Variants in ZNF521 observed in about 807,000 individuals in gnomAD.
The protein encoded by ZNF521 is zinc finger protein 521, also known as LYST-interacting protein 3.
A neutral mutation model predicts 105.5 loss-of-function variants in ZNF521; 14 were observed. The ratio of observed to expected loss-of-function variants is 0.13; its 90% CI spans 0.09 to 0.21. The LOEUF (loss-of-function observed/expected upper bound fraction) is 0.21, where lower values mean the gene tolerates loss of function less well. ZNF521 is among the 10% of genes least tolerant of loss of function. The pLI, the probability that ZNF521 is intolerant of heterozygous loss-of-function variation, is 1.00. For synonymous variants in ZNF521, 635 were observed against 606.0 expected (o/e 1.05, Z -0.70); for missense variants, 1,233 against 1,629.7 (o/e 0.76, Z 4.19).
chr18:25,330,657 C>A (rs1273805191), intron 2 of ZNF521, among the ~76,000 whole-genome samples: 2 of 152,184 alleles, frequency 1.3e-5, no homozygotes, highest in African/African-American at 4.8e-5. Flanking sequence ...TTTCTTATTT[C>A]TTCTTTAAAT....
At chr18:25,079,065 G>A (rs533860086) in intron 7 of ZNF521, among the ~76,000 whole-genome samples, 10 of 152,194 alleles carry the variant, frequency 6.6e-5, no homozygotes, top group Non-Finnish European at 1.2e-4. Flanking sequence ...TACAACCCAG[G>A]GGTTTGATCA....
At chr18:25,143,269 A>C (rs1298815810) in intron 5 of ZNF521, among the ~76,000 whole-genome samples, 1 of 152,180 alleles carries the variant, frequency 6.6e-6, no homozygotes, top group Non-Finnish European at 1.5e-5. Context: ...AGTTTCCCTA[A>C]TAACTGTGAA....
intron 4 of ZNF521, among the ~76,000 whole-genome samples, chr18:25,207,559 C>T (rs994849811): frequency 6.6e-6 from 1 of 152,128 alleles, no homozygotes; most frequent in Non-Finnish European, 1.5e-5. Flanking sequence ...TAAGTAGTAA[C>T]GTCTTAGTTT....
chr18:25,230,161 A>T (rs1600185176), intron 3 of ZNF521, among the ~76,000 whole-genome samples: 1 of 152,134 alleles, frequency 6.6e-6, no homozygotes, highest in African/African-American at 2.4e-5. Flanking sequence ...AGTCCCCATT[A>T]CTTGTCTTTG....
chr18:25,336,550 T>C lies in ZNF521; in HGVS notation c.40+14357A>G, dbSNP rs546636197. On this transcript the variant is annotated intron_variant, in intron 2 of 7. Coordinates refer to ENST00000361524, the MANE Select transcript of ZNF521 (RefSeq NM_015461.3). ...TTAGCTTCACTTTATGCTTCCATTA[T>C]CTTTTAATTGGAATTTCTGCAGTAA... 3.3e-4 allele frequency among the ~76,000 whole-genome samples: 51 copies of C among 152,346 alleles called. 1 individual carries two copies. The highest frequency in any genetic ancestry group is 1.1e-3 in the Admixed American group (17 of 15,312).
At chr18:25,202,691 T>C (rs752932176) in intron 4 of ZNF521, 6 of 152,204 alleles carry the variant, frequency 3.9e-5, no homozygotes, top group Non-Finnish European at 7.3e-5. Context: ...GCACCAGTAT[T>C]TTGTTGGCAA....
intron 5 of ZNF521, among the ~76,000 whole-genome samples, chr18:25,194,629 C>T (rs754845546): frequency 8.6e-5 from 13 of 151,654 alleles, no homozygotes; most frequent in Non-Finnish European, 1.9e-4. Flanking sequence ...AAAATGATCA[C>T]TGAATTCTTT....
At chr18:25,068,046 GA>G (rs1374864855) in intron 7 of ZNF521, among the ~76,000 whole-genome samples, 1 of 151,628 alleles carries the variant, frequency 6.6e-6, no homozygotes, top group African/African-American at 2.4e-5. Context: ...AAAAAGGAAT[GA>G]AAAAAAATAA....
intron 7 of ZNF521, among the ~76,000 whole-genome samples, chr18:25,079,352 G>A (rs186313196): frequency 6.6e-6 from 1 of 152,284 alleles, no homozygotes; most frequent in East Asian, 1.9e-4. Flanking sequence ...TCCACGCTCA[G>A]GCCATGGGTC....
In ZNF521 at chr18:25,221,572, C is replaced by A. The variant is rs565409954; in HGVS notation, c.3573+2773G>T. Among the ~76,000 whole-genome samples the A allele has an allele frequency of 1.8e-3, 278 of 152,230 alleles. 3 individuals carry two copies. Among genetic ancestry groups the A allele is most frequent in the Non-Finnish European group, 1.5e-3 (100 of 68,020 alleles). On this transcript the variant is annotated intron_variant, in intron 4 of 7. Coordinates refer to ENST00000361524, the MANE Select transcript of ZNF521 (RefSeq NM_015461.3). ...TCACTTCTGGAGTCTCAAGCCTCAG[C>A]AAGAAGAAGAGATGAAAATACCACC... is the stretch of plus-strand genomic sequence containing the variant.
At chr18:25,107,244 T>C (rs945950915) in intron 5 of ZNF521, among the ~76,000 whole-genome samples, 10 of 152,238 alleles carry the variant, frequency 6.6e-5, no homozygotes, top group African/African-American at 2.4e-4. Flanking sequence ...TCTAGCATAA[T>C]ACTTGGCCTA....
Position 25,184,658 on chromosome 18 carries a change from G to A in ZNF521, c.3658+10502C>T, listed in dbSNP as rs546479203. Among the ~76,000 whole-genome samples the A allele has an allele frequency of 5.3e-5, 8 of 152,280 alleles. No homozygotes were observed. In the South Asian group the frequency reaches 1.0e-3, roughly 20 times the overall value. On this transcript the variant is annotated intron_variant, in intron 5 of 7. Transcript: ENST00000361524. ...TGTGGTTGAATAGCGTGGGACTGGC[G>A]TCACCGGCCAACCAGTTTTAAAAGA...
At chr18:25,153,315 C>T (rs982163948) in intron 5 of ZNF521, among the ~76,000 whole-genome samples, 17 of 152,190 alleles carry the variant, frequency 1.1e-4, no homozygotes, top group African/African-American at 3.9e-4. Flanking sequence ...TTATTTCCTA[C>T]ACTGCCTATA....
At chr18:25,206,656 C>T (rs919673684) in intron 4 of ZNF521, among the ~76,000 whole-genome samples, 1 of 151,950 alleles carries the variant, frequency 6.6e-6, no homozygotes, top group Non-Finnish European at 1.5e-5. Flanking sequence ...ATGCATGTCC[C>T]CCTTTCTCTT....
intron 3 of ZNF521, among the ~76,000 whole-genome samples, chr18:25,265,388 A>C (rs532397781): frequency 1.6e-4 from 24 of 152,212 alleles, no homozygotes; most frequent in African/African-American, 5.5e-4. Flanking sequence ...AGTTATCATA[A>C]ACATTCCTGC....
chr18:25,294,071 A>G (rs2145041816), intron 3 of ZNF521, among the ~76,000 whole-genome samples: 1 of 152,308 alleles, frequency 6.6e-6, no homozygotes, highest in East Asian at 1.9e-4. Context: ...ATCCATTACA[A>G]TATAAAAAAG....
At chr18:25,306,628 C>T (rs929290638) in intron 3 of ZNF521, among the ~76,000 whole-genome samples, 8 of 152,104 alleles carry the variant, frequency 5.3e-5, no homozygotes, top group African/African-American at 1.9e-4. Context: ...CTTTAAATGT[C>T]CTGCCTTTAC....
intron 4 of ZNF521, among the ~76,000 whole-genome samples, chr18:25,218,333 G>A (rs1175355533): frequency 1.3e-5 from 2 of 151,908 alleles, no homozygotes; most frequent in East Asian, 1.9e-4. Flanking sequence ...AACTTAAAAC[G>A]TGGTAAGGGG....
chr18:25,256,986 T>C (rs1407957523), intron 3 of ZNF521, among the ~76,000 whole-genome samples: 1 of 151,990 alleles, frequency 6.6e-6, no homozygotes, highest in Non-Finnish European at 1.5e-5. Context: ...GAAAGGAACA[T>C]TCTGGGCGAA....
Sources: gnomAD v4.1 joint callset for allele counts (sites outside exome capture counted in the v4.1 genomes callset) on GRCh38, gnomAD v4.1.1 for gene constraint, MANE v1.5 for transcripts, NCBI Gene and HGNC (gene_info 2026-07-23, HGNC 2026-07-21) for gene names.